The following CECR2 variants were observed in gnomAD, a reference collection of about 807,000 sequenced individuals.
CECR2 encodes CECR2 histone acetyl-lysine reader.
A neutral mutation model predicts 154.5 loss-of-function variants in CECR2; 30 were observed. The ratio of observed to expected loss-of-function variants is 0.19; its 90% CI spans 0.15 to 0.26. CECR2 has a LOEUF of 0.26. Among genes scored for constraint, CECR2 ranks in the 10% least tolerant of loss-of-function variants. The pLI, the probability that CECR2 is intolerant of heterozygous loss-of-function variation, is 1.00. For synonymous variants in CECR2, 725 were observed against 683.7 expected, an observed-to-expected ratio of 1.06 and a Z score of -0.94; for missense variants, 1,743 against 1,829.3, an observed-to-expected ratio of 0.95 and a Z score of 0.86.
At position 17,554,524 on chromosome 22, in the gene CECR2, A is replaced by G. The variant is rs568838651; in HGVS notation, c.*1684A>G. On this transcript the variant is annotated 3_prime_UTR_variant, in exon 19 of 19. Coordinates refer to ENST00000262608, the MANE Select transcript of CECR2 (RefSeq NM_001290047.2). ...TCCATGATACAGAGAAATGAAAGCC[A>G]AGACACCAGTTCCAGGATGATGGAA... The G allele has an allele frequency of 3.3e-5, 5 of 152,320 alleles. No homozygotes were observed. Among genetic ancestry groups the G allele is most frequent in the Middle Eastern group, 3.4e-3 (1 of 294 alleles). 9.4% of individuals were successfully genotyped at this position (152,320 alleles called of 1,614,324 possible). A position where few individuals can be genotyped will look rare whatever the true frequency, so the allele number is the denominator to read the frequency against.
Position 17,494,437 on chromosome 22 carries a change from C to T in CECR2, c.222-2966C>T, listed in dbSNP as rs149275639. On this transcript the variant is annotated intron_variant, in intron 2 of 18. Coordinates refer to ENST00000262608, the MANE Select transcript of CECR2 (RefSeq NM_001290047.2). ...ACTACTCTTTGCCCGGCTCCTCACT[C>T]TGGAAGGGTTGGTAGCAACTTCACA... 4.1e-3 allele frequency among the ~76,000 whole-genome samples: 623 copies of T among 152,308 alleles called. 6 individuals are homozygous for T. The highest frequency in any genetic ancestry group is 0.014 in the African/African-American group (597 of 41,576).
At chr22:17,361,527 G>A (rs2062977619) in intron 1 of CECR2, among the ~76,000 whole-genome samples, 1 of 151,330 alleles carries the variant, frequency 6.6e-6, no homozygotes, top group South Asian at 2.1e-4. Flanking sequence ...AACAACCTAG[G>A]TTACATAGTA....
At chr22:17,453,207 C>T (rs1440692367) in intron 1 of CECR2, among the ~76,000 whole-genome samples, 2 of 152,082 alleles carry the variant, frequency 1.3e-5, no homozygotes, top group East Asian at 1.9e-4. Flanking sequence ...TTTGGGAGGC[C>T]GAGGCGGGTG....
intron 1 of CECR2, among the ~76,000 whole-genome samples, chr22:17,412,130 A>G (rs894540617): frequency 1.3e-5 from 2 of 152,214 alleles, no homozygotes; most frequent in African/African-American, 2.4e-5. Flanking sequence ...GTATTCTCTA[A>G]TATCATGGCT....
chr22:17,506,421 C>T (rs1463229816), intron 7 of CECR2, among the ~76,000 whole-genome samples: 1 of 152,182 alleles, frequency 6.6e-6, no homozygotes, highest in African/African-American at 2.4e-5. Context: ...GCCACCACAC[C>T]TGGCCCCCTC....
intron 9 of CECR2, among the ~76,000 whole-genome samples, chr22:17,536,158 G>C (rs577583829): frequency 1.1e-4 from 17 of 152,272 alleles, no homozygotes; most frequent in Non-Finnish European, 1.9e-4. Flanking sequence ...TGAGGCAGGG[G>C]AATCGCTTGA....
chr22:17,366,111 C>T (rs2063000683), upstream of CECR2, among the ~76,000 whole-genome samples: 1 of 152,266 alleles, frequency 6.6e-6, no homozygotes, highest in Middle Eastern at 3.4e-3. Flanking sequence ...ACTTTTAATA[C>T]TATCTGAAGT....
chr22:17,485,274 A>G (rs940152510), intron 2 of CECR2, among the ~76,000 whole-genome samples: 2 of 152,172 alleles, frequency 1.3e-5, no homozygotes, highest in Non-Finnish European at 2.9e-5. Context: ...GACAGTACAG[A>G]TCTGTTTCCT....
At chr22:17,382,181 T>C (rs2401114) in intron 1 of CECR2, among the ~76,000 whole-genome samples, 100,668 of 151,544 alleles carry the variant, frequency 0.66, 33,443 homozygotes, top group African/African-American at 0.67. Context: ...TGAGCCACTG[T>C]GCCCGGCCAG....
At chr22:17,401,828 A>ACCCCCCC (rs34211703) in intron 1 of CECR2, among the ~76,000 whole-genome samples, 3 of 114,150 alleles carry the variant, frequency 2.6e-5, no homozygotes, top group Admixed American at 9.7e-5. Context: ...AATATTTAAC[A>ACCCCCCC]CCCCCCCCCG....
chr22:17,448,392 C>T (rs535557651), intron 1 of CECR2, among the ~76,000 whole-genome samples: 8 of 152,144 alleles, frequency 5.3e-5, no homozygotes, highest in Admixed American at 2.6e-4. Context: ...TATAATTTAT[C>T]GTATATGATG....
At chr22:17,391,405 A>G (rs561982887) in intron 1 of CECR2, among the ~76,000 whole-genome samples, 44 of 152,356 alleles carry the variant, frequency 2.9e-4, no homozygotes, top group African/African-American at 1.0e-3. Flanking sequence ...CTACTAGTGA[A>G]GTAATTACAA....
chr22:17,488,216 G>A (rs1032856436), intron 2 of CECR2, among the ~76,000 whole-genome samples: 7 of 152,132 alleles, frequency 4.6e-5, no homozygotes, highest in African/African-American at 9.7e-5. Context: ...CTAGCATTGC[G>A]TAATAGATTC....
intron 1 of CECR2, among the ~76,000 whole-genome samples, chr22:17,360,915 C>A (rs1351114252): frequency 1.3e-5 from 2 of 151,986 alleles, no homozygotes; most frequent in Non-Finnish European, 2.9e-5. Flanking sequence ...ATAATCCCAG[C>A]ACTTTGGGAG....
rs1465310768 is a variant in CECR2 at position 17,553,163 on chromosome 22, TG to T, written c.*328del. 3.4e-6 allele frequency: 1 copy of T among 296,574 alleles called. No homozygotes were observed. The highest frequency in any genetic ancestry group is 6.5e-5 in the East Asian group (1 of 15,300). The allele number at this position is 296,574 out of a possible 1,614,324, so 18.4% of individuals were successfully genotyped here. The stretch of plus-strand genomic sequence containing the variant: ...TTTTCAGGGAAAATCACTTTAAACT[TG>T]GGGGAGGGGGTATACTCAAGAATGG... On this transcript the variant is annotated 3_prime_UTR_variant, in exon 19 of 19. Coordinates refer to ENST00000262608, the MANE Select transcript of CECR2 (RefSeq NM_001290047.2).
At chr22:17,423,683 C>T (rs1377455825) in intron 1 of CECR2, among the ~76,000 whole-genome samples, 4 of 152,054 alleles carry the variant, frequency 2.6e-5, no homozygotes, top group African/African-American at 9.7e-5. Context: ...TGAGTGGGTT[C>T]CCCTGGAGTT....
intron 2 of CECR2, among the ~76,000 whole-genome samples, chr22:17,478,910 G>A (rs1050729259): frequency 7.9e-5 from 12 of 152,012 alleles, no homozygotes; most frequent in African/African-American, 2.4e-4. Flanking sequence ...ATTTTCTTCC[G>A]TTCTCTATTT....
chr22:17,503,836 C>T (rs973207094), intron 6 of CECR2, among the ~76,000 whole-genome samples: 1 of 151,826 alleles, frequency 6.6e-6, no homozygotes. Flanking sequence ...CACTTGAGGT[C>T]GGGAGTTCGA....
At chr22:17,469,015 C>T (rs1308405034) in intron 1 of CECR2, among the ~76,000 whole-genome samples, 1 of 152,116 alleles carries the variant, frequency 6.6e-6, no homozygotes, top group Non-Finnish European at 1.5e-5. Flanking sequence ...CCCCACTCCC[C>T]AGATGGCATT....
Sources: gnomAD v4.1 joint callset for allele counts (sites outside exome capture counted in the v4.1 genomes callset) on GRCh38, gnomAD v4.1.1 for gene constraint, MANE v1.5 for transcripts, NCBI Gene and HGNC (gene_info 2026-07-23, HGNC 2026-07-21) for gene names.